Variants in LRCH1 observed in about 807,000 individuals in gnomAD.
The protein encoded by LRCH1 is leucine rich repeats and calponin homology domain containing 1, also known as leucine-rich repeat and calponin homology domain-containing protein 1.
A neutral mutation model predicts 94.9 loss-of-function variants in LRCH1; 23 were observed. The observed-to-expected ratio is 0.24, with a 90% CI of 0.17 to 0.34. The LOEUF (loss-of-function observed/expected upper bound fraction) is 0.34. LRCH1 is among the 10% of genes least tolerant of loss of function. The probability of loss-of-function intolerance (pLI) is 1.00; values close to 1 mark genes in which losing one functional copy is unlikely to be tolerated. For synonymous variants in LRCH1, 364 were observed against 354.9 expected (o/e 1.03, Z -0.29); for missense variants, 790 against 945.9 (o/e 0.84, Z 2.16).
At chr13:46,651,918 T>C (rs1594316326) in intron 2 of LRCH1, among the ~76,000 whole-genome samples, 2 of 130,654 alleles carry the variant, frequency 1.5e-5, no homozygotes, top group African/African-American at 2.9e-5. Context: ...GACGGAGTCT[T>C]GCTCTGTCGC....
chr13:46,621,968 T>C (rs2050885189), intron 1 of LRCH1, among the ~76,000 whole-genome samples: 1 of 152,204 alleles, frequency 6.6e-6, no homozygotes, highest in Non-Finnish European at 1.5e-5. Context: ...TACAGGCTTA[T>C]TATGTCTGTG....
intron 1 of LRCH1, among the ~76,000 whole-genome samples, chr13:46,608,336 C>T (rs2050710930): frequency 6.6e-6 from 1 of 152,162 alleles, no homozygotes; most frequent in Non-Finnish European, 1.5e-5. Flanking sequence ...GAGACATACG[C>T]ACTGTGTTTC....
intron 17 of LRCH1, among the ~76,000 whole-genome samples, chr13:46,724,926 T>C (rs1872741860): frequency 6.6e-6 from 1 of 152,210 alleles, no homozygotes; most frequent in South Asian, 2.1e-4. Context: ...ACAGCACTAT[T>C]CACAGAAACA....
chr13:46,558,572 C>CAAAAAAACAAA (rs2050093356), intron 1 of LRCH1, among the ~76,000 whole-genome samples: 1 of 34,402 alleles, frequency 2.9e-5, no homozygotes, highest in Non-Finnish European at 5.9e-5. Flanking sequence ...CCTGTGTCTA[C>CAAAAAAACAAA]AAAAAAAAAA....
At position 46,692,587 on chromosome 13, in the gene LRCH1, G is replaced by A; in HGVS notation, c.1066G>A (p.Glu356Lys). ...SLNVPMSNIM[E>K]EEQIIKEDSC... ...CAATGTGCCAATGTCAAACATCATG[G>A]AAGAAGAACAGATCATCAAGGAGGA... The change falls in exon 8 of 20, where the codon GAA becomes AAA. Residue 356 changes from glutamate (E) to lysine (K), a missense_variant. This residue lies in a region of LRCH1 where 460 missense variants were observed against 508.9 expected (regional missense o/e 0.90). Coordinates refer to ENST00000389797, the MANE Select transcript of LRCH1 (RefSeq NM_001164211.2). 6 of 1,614,086 alleles carry A rather than the reference G, an allele frequency of 3.7e-6. No individual in the cohort carries two copies. The highest frequency in any genetic ancestry group is 5.1e-6 in the Non-Finnish European group (6 of 1,179,976).
intron 1 of LRCH1, among the ~76,000 whole-genome samples, chr13:46,636,971 G>C (rs150906942): frequency 6.6e-6 from 1 of 152,018 alleles, no homozygotes; most frequent in African/African-American, 2.4e-5. Flanking sequence ...CATTTGTCCC[G>C]AGGCCCAGCT....
At chr13:46,563,584 C>G (rs551500756) in intron 1 of LRCH1, among the ~76,000 whole-genome samples, 1 of 152,336 alleles carries the variant, frequency 6.6e-6, no homozygotes, top group Admixed American at 6.5e-5. Flanking sequence ...AGCAGTTATT[C>G]TATGTCAGGT....
chr13:46,705,240 C>CTT (rs11483731), intron 12 of LRCH1, 28 bp from the exon 13 acceptor site: 2,747 of 1,479,184 alleles, frequency 1.9e-3, no homozygotes, highest in Non-Finnish European at 2.1e-3. Flanking sequence ...CACTTTGTAT[C>CTT]TTTTTTTTTC....
Position 46,715,570 on chromosome 13 carries a change from C to A in LRCH1, c.1665C>A (p.Leu555=). ...FGLKPRSDPA[L]ILPPISFNTL... The stretch of plus-strand genomic sequence containing the variant: ...CTGGCTCCCCTGCAGACCCAGCCCT[C>A]ATTCTTCCTCCTATCTCCTTCAACA... Residue 555 remains leucine, a synonymous_variant, in exon 16 of 20, where the codon CTC becomes CTA. Coordinates refer to ENST00000389797, the MANE Select transcript of LRCH1 (RefSeq NM_001164211.2). The A allele has an allele frequency of 6.5e-7, 1 of 1,536,596 alleles. No homozygotes were observed. Among genetic ancestry groups the A allele is most frequent in the Non-Finnish European group, 8.7e-7 (1 of 1,146,218 alleles).
chr13:46,741,986 T>C lies in LRCH1; in HGVS notation c.*138T>C. Reference sequence around the variant, plus strand: ...TCTCTCGAGTTTTGAAGCTGAACAGTAGCAAATCAGATTTTCCAGAAGCAC... The same window carrying C: ...TCTCTCGAGTTTTGAAGCTGAACAGCAGCAAATCAGATTTTCCAGAAGCAC... On this transcript the variant is annotated 3_prime_UTR_variant, in exon 20 of 20. Transcript: ENST00000389797. 5 of 1,508,500 alleles carry C rather than the reference T, an allele frequency of 3.3e-6. No individual in the cohort carries two copies. The highest frequency in any genetic ancestry group is 4.4e-6 in the Non-Finnish European group (5 of 1,136,616). The allele number at this position is 1,508,500 out of a possible 1,614,324, so 93.4% of individuals were successfully genotyped here.
chr13:46,749,560 T>A (rs1224912318), downstream of LRCH1, among the ~76,000 whole-genome samples: 1 of 152,180 alleles, frequency 6.6e-6, no homozygotes, highest in African/African-American at 2.4e-5. Flanking sequence ...CATTCCACAA[T>A]GTATACTTTT....
intron 3 of LRCH1, among the ~76,000 whole-genome samples, chr13:46,673,746 ATTTTTTTTT>A (rs546225715): frequency 5.5e-5 from 6 of 108,262 alleles, no homozygotes; most frequent in Non-Finnish European, 3.7e-5. Flanking sequence ...TCCAAATGGA[ATTTTTTTTT>A]TTTTTTTTTT....
chr13:46,567,885 C>T lies in LRCH1; in HGVS notation c.307+14182C>T, dbSNP rs1413386106. 2.0e-5 allele frequency among the ~76,000 whole-genome samples: 3 copies of T among 152,034 alleles called. No individual in the cohort carries two copies. In the East Asian group the frequency reaches 5.8e-4, roughly 29 times the overall value. ...CTGAGATAATGCGTCCTGATAGAGC[C>T]CCTAATGCCTGCCTCTTAGGAGGGC... is the stretch of plus-strand genomic sequence containing the variant. On this transcript the variant is annotated intron_variant, in intron 1 of 19. Coordinates refer to ENST00000389797, the MANE Select transcript of LRCH1 (RefSeq NM_001164211.2).
intron 1 of LRCH1, among the ~76,000 whole-genome samples, chr13:46,629,737 G>A (rs184086277): frequency 7.9e-5 from 12 of 152,314 alleles, no homozygotes; most frequent in Admixed American, 6.5e-4. Flanking sequence ...CTATTATGTC[G>A]CATGTCACTT....
chr13:46,723,451 C>T (rs1593377379), intron 17 of LRCH1, 121 bp downstream of exon 17: 3 of 737,288 alleles, frequency 4.1e-6, no homozygotes, highest in East Asian at 5.4e-5. Context: ...CACTTAGTGA[C>T]TGCTGGATGT....
chr13:46,654,630 T>TC (rs1375043030), intron 2 of LRCH1, among the ~76,000 whole-genome samples: 1 of 152,212 alleles, frequency 6.6e-6, no homozygotes, highest in East Asian at 1.9e-4. Flanking sequence ...ACATTATCAT[T>TC]AATTTTGATG....
chr13:46,722,200 C>A (rs1393370743), intron 16 of LRCH1, among the ~76,000 whole-genome samples: 3 of 152,098 alleles, frequency 2.0e-5, no homozygotes, highest in Non-Finnish European at 4.4e-5. Flanking sequence ...GTACACCATG[C>A]AGCCTTCTAT....
intron 1 of LRCH1, among the ~76,000 whole-genome samples, chr13:46,589,065 C>T (rs1043435177): frequency 6.6e-6 from 1 of 152,014 alleles, no homozygotes; most frequent in African/African-American, 2.4e-5. Context: ...AAGGCAGGGT[C>T]TCACTATGTC....
rs1298946949 is a variant in LRCH1 at position 46,669,240 on chromosome 13, C to G, written c.579+84C>G. The G allele has an allele frequency of 6.6e-6, 10 of 1,524,034 alleles. No individual in the cohort carries two copies. In the African/African-American group the frequency reaches 8.2e-5, roughly 12 times the overall value. 94.4% of individuals were successfully genotyped at this position (1,524,034 alleles called of 1,614,324 possible). On this transcript the variant is annotated intron_variant, in intron 3 of 19. Transcript: ENST00000389797. ...AGGTATTCAGAAAACCTTTTTGCTA[C>G]GGTTGGACAAGGTAGAGCCTCTGTT...
Sources: gnomAD v4.1 joint callset for allele counts (sites outside exome capture counted in the v4.1 genomes callset) on GRCh38, gnomAD v4.1.1 for gene constraint, gnomAD v4.1.1 regional missense constraint, MANE v1.5 for transcripts, NCBI Gene and HGNC (gene_info 2026-07-23, HGNC 2026-07-21) for gene names.